SIRT5: variants seen among roughly 807,000 people sequenced by gnomAD.
SIRT5 encodes NAD-dependent protein deacylase sirtuin-5, mitochondrial.
In SIRT5, 26 loss-of-function variants were observed where a neutral mutation model predicts 40.0. The observed-to-expected ratio is 0.65, with a 90% CI of 0.48 to 0.90. The LOEUF (loss-of-function observed/expected upper bound fraction) is 0.90. Ranked by LOEUF, SIRT5 falls within the 40% of genes least tolerant of loss-of-function variation. The probability of loss-of-function intolerance (pLI) is 0.00; values close to 1 mark genes in which losing one functional copy is unlikely to be tolerated. For missense variants in SIRT5, 401 were observed against 402.4 expected, an observed-to-expected ratio of 1.00 and a Z score of 0.03; for synonymous variants, 146 against 149.1, an observed-to-expected ratio of 0.98 and a Z score of 0.15.
chr6:13,583,679 G>A (rs1174773243), intron 2 of SIRT5, among the ~76,000 whole-genome samples: 3 of 152,214 alleles, frequency 2.0e-5, no homozygotes, highest in Non-Finnish European at 4.4e-5. Flanking sequence ...TCAAACTTGA[G>A]TAGTTACTAG....
intron 3 of SIRT5, among the ~76,000 whole-genome samples, chr6:13,584,640 C>T (rs1018373905): frequency 1.1e-4 from 17 of 152,210 alleles, no homozygotes; most frequent in African/African-American, 4.1e-4. Context: ...TGAGCCACCG[C>T]GCCCACCTGT....
chr6:13,594,678 G>A (rs1761350924), intron 5 of SIRT5, among the ~76,000 whole-genome samples: 1 of 152,212 alleles, frequency 6.6e-6, no homozygotes, highest in Admixed American at 6.5e-5. Flanking sequence ...CAGCCCTATT[G>A]GCTCAGCATG....
At chr6:13,593,846 AT>A (rs1282779262) in intron 5 of SIRT5, among the ~76,000 whole-genome samples, 2 of 152,176 alleles carry the variant, frequency 1.3e-5, no homozygotes, top group Admixed American at 6.5e-5. Context: ...ACTGGTCCAA[AT>A]ATTTCTCATT....
intron 2 of SIRT5, among the ~76,000 whole-genome samples, chr6:13,582,583 G>C (rs907723095): frequency 2.3e-5 from 3 of 128,904 alleles, no homozygotes; most frequent in African/African-American, 8.8e-5. Context: ...CCACAATCGA[G>C]ATATATAACA....
chr6:13,582,257 A>G (rs1161871697), intron 2 of SIRT5, among the ~76,000 whole-genome samples: 5 of 152,106 alleles, frequency 3.3e-5, no homozygotes, highest in Non-Finnish European at 5.9e-5. Flanking sequence ...CTTTTTACTA[A>G]TTTCTTGTGA....
At chr6:13,611,230 TATATATAC>T (rs975696018) in intron 9 of SIRT5, among the ~76,000 whole-genome samples, 2 of 131,804 alleles carry the variant, frequency 1.5e-5, no homozygotes, top group African/African-American at 3.1e-5. Flanking sequence ...TATATATATA[TATATATAC>T]ACACACACAT....
At chr6:13,574,958 G>T (rs1196271436) in intron 1 of SIRT5, among the ~76,000 whole-genome samples, 1 of 152,172 alleles carries the variant, frequency 6.6e-6, no homozygotes, top group East Asian at 1.9e-4. Flanking sequence ...CGGGGTGGAG[G>T]CAGTGGGCGT....
intron 9 of SIRT5, chr6:13,604,788 T>A: frequency 8.8e-7 from 1 of 1,139,444 alleles, no homozygotes; most frequent in Non-Finnish European, 1.1e-6. Context: ...ACCACAGACC[T>A]GTTTCAGCTG....
At chr6:13,583,937 T>A (rs957849849) in intron 2 of SIRT5, 139 bp from the exon 3 acceptor site, 4 of 379,706 alleles carry the variant, frequency 1.1e-5, no homozygotes, top group Non-Finnish European at 1.4e-5. Flanking sequence ...GACATTCGTG[T>A]ATGTGTGCGT....
chr6:13,599,061 T>C lies in SIRT5; in HGVS notation c.647T>C (p.Leu216Pro). ...GAAGAGGCAGGCTGCGGGGGCTTGC[T>C]GCGACCTCACGTCGTGTGGTTTGGA... ...RCEEAGCGGL[L>P]RPHVVWFGEN... The change falls in exon 8 of 10, where the codon CTG becomes CCG. Residue 216 changes from leucine (L) to proline (P), a missense_variant. Coordinates refer to ENST00000606117, the MANE Select transcript of SIRT5 (RefSeq NM_012241.5). The C allele has an allele frequency of 6.2e-7, 1 of 1,614,124 alleles. No homozygotes were observed. Among genetic ancestry groups the C allele is most frequent in the South Asian group, 1.1e-5 (1 of 91,074 alleles).
At chr6:13,592,655 A>G (rs1221520575) in intron 5 of SIRT5, among the ~76,000 whole-genome samples, 5 of 151,966 alleles carry the variant, frequency 3.3e-5, no homozygotes, top group Admixed American at 2.0e-4. Flanking sequence ...CACCAAGCCT[A>G]TGATGTCGGT....
intron 5 of SIRT5, among the ~76,000 whole-genome samples, chr6:13,593,801 T>C (rs1234372109): frequency 6.6e-6 from 1 of 152,154 alleles, no homozygotes; most frequent in Non-Finnish European, 1.5e-5. Context: ...AGAAATTATA[T>C]CTTTCCAGGC....
chr6:13,612,014 T>C lies in SIRT5; in HGVS notation c.*149T>C. Reference sequence around the variant, plus strand: ...TGGAATCCAACCTGTTGATAAGTGATGGGGGTTTAGAAGTAGCAAAGAGCA... The same window carrying C: ...TGGAATCCAACCTGTTGATAAGTGACGGGGGTTTAGAAGTAGCAAAGAGCA... On this transcript the variant is annotated 3_prime_UTR_variant, in exon 10 of 10. Transcript: ENST00000606117. 1 of 639,508 alleles carries C rather than the reference T, an allele frequency of 1.6e-6. No homozygotes were observed. Among genetic ancestry groups the C allele is most frequent in the South Asian group, 2.5e-5 (1 of 40,414 alleles). 39.6% of individuals were successfully genotyped at this position (639,508 alleles called of 1,614,324 possible).
At chr6:13,609,198 T>C (rs1460359914) in intron 9 of SIRT5, among the ~76,000 whole-genome samples, 3 of 152,214 alleles carry the variant, frequency 2.0e-5, no homozygotes, top group Non-Finnish European at 4.4e-5. Flanking sequence ...GTGTTACCTA[T>C]TGTTGGAAGG....
chr6:13,609,225 T>C (rs182322811), intron 9 of SIRT5, among the ~76,000 whole-genome samples: 1 of 152,236 alleles, frequency 6.6e-6, no homozygotes, highest in Non-Finnish European at 1.5e-5. Flanking sequence ...TTCCTCCTGT[T>C]CTAACCCAAT....
intron 3 of SIRT5, chr6:13,585,099 G>A (rs1759886615): frequency 6.6e-6 from 1 of 152,250 alleles, no homozygotes; most frequent in Non-Finnish European, 1.5e-5. Flanking sequence ...AAAACAAGCA[G>A]CCTATCTCTG....
intron 9 of SIRT5, chr6:13,605,362 G>A (rs200172807): frequency 1.0e-5 from 10 of 968,260 alleles, no homozygotes; most frequent in Non-Finnish European, 1.2e-5. Flanking sequence ...GTCCTGTGTG[G>A]CCCTTTACAG....
rs566224865 is a variant in SIRT5 at position 13,585,026 on chromosome 6, G to C, written c.115+801G>C. On this transcript the variant is annotated intron_variant, in intron 3 of 9. Coordinates refer to ENST00000606117, the MANE Select transcript of SIRT5 (RefSeq NM_012241.5). ...AAATTAAGACGGTCACGGTGGAACA[G>C]AACAGAGGCCTCAGAAATAACACTA... The C allele has an allele frequency of 9.9e-5, 15 of 152,202 alleles. No individual in the cohort carries two copies. The East Asian group carries it at 2.9e-3, about 30-fold the overall frequency. 9.4% of individuals were successfully genotyped at this position (152,202 alleles called of 1,614,324 possible).
At chr6:13,602,647 A>T (rs1219798879) in intron 9 of SIRT5, among the ~76,000 whole-genome samples, 4 of 152,222 alleles carry the variant, frequency 2.6e-5, no homozygotes, top group Non-Finnish European at 5.9e-5. Flanking sequence ...CCTCACATTC[A>T]TGGTCAACTG....
Sources: gnomAD v4.1 joint callset for allele counts (sites outside exome capture counted in the v4.1 genomes callset) on GRCh38, gnomAD v4.1.1 for gene constraint, MANE v1.5 for transcripts, NCBI Gene and HGNC (gene_info 2026-07-23, HGNC 2026-07-21) for gene names.